Variants in CRYL1 observed in about 807,000 individuals in gnomAD.
CRYL1 encodes lambda-crystallin homolog.
CRYL1 carries 29 observed loss-of-function variants against 36.6 expected under a neutral mutation model. That is an observed-to-expected ratio of 0.79 (90% CI 0.59 to 1.08). CRYL1 has a LOEUF of 1.08. Among genes scored for constraint, CRYL1 ranks in the 50% least tolerant of loss-of-function variants. The pLI is 0.00. For missense variants in CRYL1, 411 were observed against 407.9 expected (o/e 1.01, Z -0.06); for synonymous variants, 152 against 151.5 (o/e 1.00, Z -0.02).
At chr13:20,464,654 T>A (rs1257048711) in intron 3 of CRYL1, among the ~76,000 whole-genome samples, 1 of 152,228 alleles carries the variant, frequency 6.6e-6, no homozygotes, top group Non-Finnish European at 1.5e-5. Context: ...AATAGTGGGC[T>A]GTTTGTATCC....
intron 5 of CRYL1, 112 bp from the exon 6 acceptor site, chr13:20,413,499 C>T (rs527940173): frequency 1.5e-6 from 1 of 659,798 alleles, no homozygotes; most frequent in East Asian, 2.7e-5. Flanking sequence ...CTCCAAAGCA[C>T]TATACAGGGT....
chr13:20,516,096 C>G (rs2033992817), intron 1 of CRYL1, among the ~76,000 whole-genome samples: 1 of 142,412 alleles, frequency 7.0e-6, no homozygotes. Context: ...GAGGCCGAGG[C>G]AGGACAATCG....
intron 6 of CRYL1, among the ~76,000 whole-genome samples, chr13:20,408,623 A>G (rs1231333125): frequency 2.0e-5 from 3 of 152,232 alleles, no homozygotes; most frequent in Non-Finnish European, 4.4e-5. Flanking sequence ...TGATTTTTGT[A>G]CATTGATTTT....
Position 20,420,701 on chromosome 13 carries a change from T to TTTTTTTTTTTTTTTGTGTGTGTG in CRYL1, c.634-7315_634-7314insCACACACACAAAAAAAAAAAAAA. ...CTTTGACTTTTCTTTAAAATAGAGG[T>TTTTTTTTTTTTTTTGTGTGTGTG]TGTGTGTGTGTGTGTGTGTGTGTGT... On this transcript the variant is annotated intron_variant, in intron 5 of 7. Coordinates refer to ENST00000298248, the MANE Select transcript of CRYL1 (RefSeq NM_015974.3). Among the ~76,000 whole-genome samples, 36 of 21,870 alleles carry TTTTTTTTTTTTTTTGTGTGTGTG rather than the reference T, an allele frequency of 1.6e-3. 5 individuals are homozygous for TTTTTTTTTTTTTTTGTGTGTGTG. The highest frequency in any genetic ancestry group is 2.5e-3 in the Non-Finnish European group (18 of 7,318). The allele number at this position is 21,870 out of a possible 152,430, so 14.3% of individuals were successfully genotyped here.
intron 3 of CRYL1, among the ~76,000 whole-genome samples, chr13:20,480,739 A>G (rs2033260608): frequency 6.6e-6 from 1 of 152,192 alleles, no homozygotes; most frequent in Non-Finnish European, 1.5e-5. Context: ...GCGGGGACCC[A>G]CAATGCTGGC....
At chr13:20,492,846 C>T (rs763838281) in intron 2 of CRYL1, among the ~76,000 whole-genome samples, 2 of 152,150 alleles carry the variant, frequency 1.3e-5, no homozygotes, top group Non-Finnish European at 2.9e-5. Flanking sequence ...GGGGGTGCTA[C>T]CAACCAAGGA....
At chr13:20,509,151 G>A (rs1210728278) in intron 2 of CRYL1, among the ~76,000 whole-genome samples, 7 of 146,510 alleles carry the variant, frequency 4.8e-5, no homozygotes, top group Non-Finnish European at 7.4e-5. Flanking sequence ...CCAAGATCGC[G>A]CCATTGCACT....
intron 4 of CRYL1, 65 bp downstream of exon 4, chr13:20,439,528 A>AAT: frequency 4.3e-5 from 44 of 1,024,858 alleles, no homozygotes; most frequent in Non-Finnish European, 5.1e-5. Context: ...AAAAAAAAAA[A>AAT]AAGAAAAAAA....
In CRYL1 at chr13:20,419,355, A is replaced by G. The variant is rs6490567; in HGVS notation, c.634-5968T>C. Among the ~76,000 whole-genome samples, 151,253 of 152,228 alleles carry G rather than the reference A, an allele frequency of 0.99. 75,149 individuals are homozygous for G. Among genetic ancestry groups the G allele is most frequent in the East Asian group, 1 (5,192 of 5,192 alleles). Reference sequence around the variant, plus strand: ...GTTGTCCAGGCTGGAGTGCAATGGCAGGATCTCGGCTCACTGCAACCTCTG... The same window carrying G: ...GTTGTCCAGGCTGGAGTGCAATGGCGGGATCTCGGCTCACTGCAACCTCTG... On this transcript the variant is annotated intron_variant, in intron 5 of 7. Transcript: ENST00000298248.
intron 5 of CRYL1, among the ~76,000 whole-genome samples, chr13:20,414,439 G>A (rs934067116): frequency 2.0e-5 from 3 of 152,022 alleles, no homozygotes; most frequent in Non-Finnish European, 4.4e-5. Flanking sequence ...GCGTGAGGAC[G>A]GGGCATCGTA....
chr13:20,525,636 C>G lies in CRYL1; in HGVS notation c.41+118G>C, dbSNP rs1027852969. The G allele has an allele frequency of 1.2e-6, 1 of 845,144 alleles. No homozygotes were observed. Among genetic ancestry groups the G allele is most frequent in the Non-Finnish European group, 1.6e-6 (1 of 632,894 alleles). The allele number at this position is 845,144 out of a possible 1,614,324, so 52.4% of individuals were successfully genotyped here. On this transcript the variant is annotated intron_variant, in intron 1 of 7. Coordinates refer to ENST00000298248, the MANE Select transcript of CRYL1 (RefSeq NM_015974.3). The surrounding 1 kb of genome is among the most constrained non-coding windows in gnomAD (Gnocchi z 4.3). ...CGCAGGGCGCAGGGCTTCGGAGGAC[C>G]GGAGGCCGGGGCGGGGACAGCGACC... is the stretch of plus-strand genomic sequence containing the variant.
intron 6 of CRYL1, 58 bp from the exon 7 acceptor site, chr13:20,404,799 T>C: frequency 8.2e-7 from 1 of 1,213,166 alleles, no homozygotes; most frequent in Non-Finnish European, 1.2e-6. Context: ...CTTAGTTATA[T>C]TCAAACTCAG....
At chr13:20,404,437 T>G (rs562763966) in intron 7 of CRYL1, among the ~76,000 whole-genome samples, 195 bp from the exon 8 acceptor site, 1 of 152,156 alleles carries the variant, frequency 6.6e-6, no homozygotes, top group East Asian at 1.9e-4. Flanking sequence ...GAGCTACCAG[T>G]TCACTGGTCA....
chr13:20,463,143 G>A (rs10454563), intron 3 of CRYL1, among the ~76,000 whole-genome samples: 20,544 of 152,158 alleles, frequency 0.14, 1,806 homozygotes, highest in Non-Finnish European at 0.18. Context: ...CAGCCCAGAG[G>A]AGACCTGCGT....
intron 4 of CRYL1, among the ~76,000 whole-genome samples, chr13:20,437,456 C>T (rs6490574): frequency 0.65 from 99,148 of 151,850 alleles, 33,852 homozygotes; most frequent in Non-Finnish European, 0.77. Flanking sequence ...TACAGGCGAC[C>T]GCCACCTCAC....
chr13:20,436,069 C>G (rs918580184), intron 4 of CRYL1, among the ~76,000 whole-genome samples: 1 of 152,220 alleles, frequency 6.6e-6, no homozygotes, highest in Non-Finnish European at 1.5e-5. Flanking sequence ...CCACCAATAC[C>G]AGGGCAGATG....
chr13:20,511,663 CCAGCTAACGCGTGTCTGAGATGGT>C (rs1327374385), intron 2 of CRYL1, among the ~76,000 whole-genome samples: 2 of 152,202 alleles, frequency 1.3e-5, no homozygotes, highest in Non-Finnish European at 2.9e-5. Context: ...AGGATAATAA[CCAGCTAACGCGTGTCTGAGATGGT>C]CAGAACCCTG....
chr13:20,489,348 G>A (rs867576592), intron 3 of CRYL1, 22 bp downstream of exon 3: 16 of 1,611,590 alleles, frequency 9.9e-6, no homozygotes, highest in East Asian at 2.2e-5. Flanking sequence ...CCACAGATGC[G>A]GCGCCAGTGT....
chr13:20,513,527 A>T (rs897079131), intron 1 of CRYL1: 3 of 152,196 alleles, frequency 2.0e-5, no homozygotes, highest in Non-Finnish European at 4.4e-5. Flanking sequence ...AAACTGAGGC[A>T]TGGAGGAATT....
Sources: gnomAD v4.1 joint callset for allele counts (sites outside exome capture counted in the v4.1 genomes callset) on GRCh38, gnomAD v4.1.1 for gene constraint, Gnocchi (gnomAD v3.1) non-coding constraint, MANE v1.5 for transcripts, NCBI Gene and HGNC (gene_info 2026-07-23, HGNC 2026-07-21) for gene names.